Variants in RAB3GAP1 observed in about 807,000 individuals in gnomAD.
RAB3GAP1 encodes RAB3 GTPase activating protein catalytic subunit 1, also known as rab3 GTPase-activating protein catalytic subunit.
RAB3GAP1 carries 86 observed loss-of-function variants against 130.7 expected under a neutral mutation model. The ratio of observed to expected loss-of-function variants is 0.66; its 90% confidence interval spans 0.55 to 0.79. RAB3GAP1 has a LOEUF of 0.79. Among genes scored for constraint, RAB3GAP1 ranks in the 30% least tolerant of loss-of-function variants. The pLI, the probability that RAB3GAP1 is intolerant of heterozygous loss-of-function variation, is 0.00. For missense variants in RAB3GAP1, 1,029 were observed against 1,169.4 expected (o/e 0.88, Z 1.75); for synonymous variants, 367 against 401.7 (o/e 0.91, Z 1.03).
At chr2:135,117,589 CT>C (rs1691037454) in intron 7 of RAB3GAP1, among the ~76,000 whole-genome samples, 1 of 145,984 alleles carries the variant, frequency 6.9e-6, no homozygotes, top group Non-Finnish European at 1.5e-5. Context: ...TCTGCTTCTT[CT>C]TCTGCTGCTT....
intron 17 of RAB3GAP1, among the ~76,000 whole-genome samples, chr2:135,139,402 G>A (rs772643844): frequency 6.6e-6 from 1 of 151,956 alleles, no homozygotes; most frequent in African/African-American, 2.4e-5. Flanking sequence ...TTAGCCGAGC[G>A]TGGTGGTGTA....
chr2:135,117,594 G>GCTTCTTCTTCTTCTGCTGCTTCTT (rs1691038567), intron 7 of RAB3GAP1, among the ~76,000 whole-genome samples: 1 of 19,136 alleles, frequency 5.2e-5, no homozygotes, highest in Non-Finnish European at 1.2e-4. Flanking sequence ...TTCTTCTTCT[G>GCTTCTTCTTCTTCTGCTGCTTCTT]CTGCTTCTTC....
intron 3 of RAB3GAP1, among the ~76,000 whole-genome samples, chr2:135,060,256 A>ATTT (rs60562266): frequency 0.013 from 1,387 of 109,822 alleles, 64 homozygotes; most frequent in African/African-American, 0.048. Flanking sequence ...TAACTGCTTG[A>ATTT]TTTTTTTTTT....
Position 135,168,687 on chromosome 2 carries a change from A to C in RAB3GAP1, c.2852A>C (p.Tyr951Ser). 6.2e-7 allele frequency: 1 copy of C among 1,613,900 alleles called. No individual in the cohort carries two copies. The highest frequency in any genetic ancestry group is 8.5e-7 in the Non-Finnish European group (1 of 1,179,960). ...ACCACTGTGCCGCGCCCTGCTCCCT[A>C]CTCCAAAGCTCTGCCTCAGCGGATG... ...LRTTVPRPAP[Y>S]SKALPQRMYS... Residue 951 changes from tyrosine to serine, a missense_variant, in exon 24 of 24, where the codon TAC becomes TCC. Physicochemically the swap from Tyr to Ser is moderately radical, Grantham distance 144. Coordinates refer to ENST00000264158, the MANE Select transcript of RAB3GAP1 (RefSeq NM_012233.3).
intron 23 of RAB3GAP1, 106 bp from the exon 24 acceptor site, chr2:135,168,439 C>A: frequency 1.1e-6 from 1 of 926,200 alleles, no homozygotes; most frequent in Non-Finnish European, 1.8e-6. Context: ...TACTGAGTAA[C>A]GTGGGACATT....
Position 135,153,894 on chromosome 2 carries a change from C to G in RAB3GAP1, c.2289+18C>G, listed in dbSNP as rs1391571808. ...CAGAAAAGGTAATTGAGGTTTGAGT[C>G]TCTAATACTAGAATGCAAATTACTG... On this transcript the variant is annotated intron_variant, in intron 19 of 23. Coordinates refer to ENST00000264158, the MANE Select transcript of RAB3GAP1 (RefSeq NM_012233.3). The G allele has an allele frequency of 6.2e-7, 1 of 1,600,114 alleles. No homozygotes were observed. The highest frequency in any genetic ancestry group is 8.6e-7 in the Non-Finnish European group (1 of 1,167,838).
intron 5 of RAB3GAP1, among the ~76,000 whole-genome samples, chr2:135,110,260 A>G (rs748785980): frequency 7.2e-5 from 11 of 151,920 alleles, no homozygotes; most frequent in Non-Finnish European, 1.5e-4. Context: ...CAGCCTCCCA[A>G]GCTGCTGGGA....
intron 3 of RAB3GAP1, among the ~76,000 whole-genome samples, chr2:135,064,915 A>AT (rs545377016): frequency 0.072 from 9,975 of 138,198 alleles, 507 homozygotes; most frequent in African/African-American, 0.15. Context: ...TCTGAAGAGT[A>AT]TTTTTTTTTT....
chr2:135,113,212 G>C lies in RAB3GAP1; in HGVS notation c.424G>C (p.Glu142Gln). Residue 142 changes from glutamate (E) to glutamine (Q), a missense_variant, in exon 6 of 24, where the codon GAA (glutamate) becomes CAA (glutamine). By Grantham distance (29) the Glu-to-Gln change is conservative (BLOSUM62 2). Coordinates refer to ENST00000264158, the MANE Select transcript of RAB3GAP1 (RefSeq NM_012233.3). The part of the protein sequence containing the change: ...PAAHSDAVLS[E>Q]SKCNLLLSSV... ...TGCACACAGTGACGCTGTTCTCAGC[G>C]AATCTAAGTGCAACCTTCTTCTGAG... 2 of 1,614,124 alleles carry C rather than the reference G, an allele frequency of 1.2e-6. No homozygotes were observed. The highest frequency in any genetic ancestry group is 1.7e-6 in the Non-Finnish European group (2 of 1,179,994).
At chr2:135,121,200 T>C (rs183282041) in intron 8 of RAB3GAP1, among the ~76,000 whole-genome samples, 13 of 152,328 alleles carry the variant, frequency 8.5e-5, no homozygotes, top group Non-Finnish European at 8.8e-5. Flanking sequence ...TGCCATAAAT[T>C]ACTATGTAGC....
intron 3 of RAB3GAP1, among the ~76,000 whole-genome samples, chr2:135,070,355 A>G (rs892445239): frequency 3.3e-5 from 5 of 152,172 alleles, no homozygotes; most frequent in Admixed American, 1.3e-4. Context: ...CTGTTCAGGC[A>G]GTTAGAGTTC....
chr2:135,099,431 CTGTGTGTG>C (rs141856311), intron 5 of RAB3GAP1, among the ~76,000 whole-genome samples: 4 of 142,490 alleles, frequency 2.8e-5, no homozygotes, highest in African/African-American at 7.6e-5. Context: ...ATTTGTATTT[CTGTGTGTG>C]TGTGTGTGTG....
At chr2:135,158,300 G>A (rs62170254) in intron 19 of RAB3GAP1, among the ~76,000 whole-genome samples, 6,379 of 152,000 alleles carry the variant, frequency 0.042, 155 homozygotes, top group African/African-American at 0.055. Context: ...AAAAATGACT[G>A]ATTTCAAGAT....
At chr2:135,135,525 A>G (rs775852660) in intron 16 of RAB3GAP1, 39 bp from the exon 17 acceptor site, 2 of 1,531,752 alleles carry the variant, frequency 1.3e-6, no homozygotes, top group Admixed American at 2.0e-5. Flanking sequence ...ATTTTTCTGT[A>G]ACTAATTCAA....
At chr2:135,165,164 A>C (rs1692600402) in intron 23 of RAB3GAP1, 2 of 456,322 alleles carry the variant, frequency 4.4e-6, no homozygotes, top group Non-Finnish European at 8.8e-6. Flanking sequence ...CCTAGAAAAG[A>C]AGAGGAAAAC....
At chr2:135,167,828 T>C (rs1573621377) in intron 23 of RAB3GAP1, 1 of 836,386 alleles carries the variant, frequency 1.2e-6, no homozygotes, top group East Asian at 3.0e-5. Flanking sequence ...TTACCTACCT[T>C]GCTGATGTTT....
intron 3 of RAB3GAP1, among the ~76,000 whole-genome samples, chr2:135,066,109 A>C (rs1367809975): frequency 6.6e-6 from 1 of 152,048 alleles, no homozygotes; most frequent in African/African-American, 2.4e-5. Context: ...CTGAGTCCAG[A>C]AAGTTTGAGA....
At chr2:135,117,809 T>TTC (rs1553445371) in intron 7 of RAB3GAP1, among the ~76,000 whole-genome samples, 2 of 110,322 alleles carry the variant, frequency 1.8e-5, no homozygotes, top group African/African-American at 3.3e-5. Flanking sequence ...CTTCTTCTTC[T>TTC]TTCTTCTTCT....
chr2:135,168,794 T>G lies in RAB3GAP1; in HGVS notation c.*13T>G. On this transcript the variant is annotated 3_prime_UTR_variant, in exon 24 of 24. Coordinates refer to ENST00000264158, the MANE Select transcript of RAB3GAP1 (RefSeq NM_012233.3). ...TTCCTTCTTCTGATTCTTCTAGCATTACTCGTTGGTGGCTTCAGAGACAGT... is the reference window on the plus strand; with the variant it reads ...TTCCTTCTTCTGATTCTTCTAGCATGACTCGTTGGTGGCTTCAGAGACAGT... 2 of 1,604,790 alleles carry G rather than the reference T, an allele frequency of 1.2e-6. No homozygotes were observed. The highest frequency in any genetic ancestry group is 1.7e-6 in the Non-Finnish European group (2 of 1,171,486).
Sources: allele counts gnomAD v4.1 joint callset (sites outside exome capture counted in the v4.1 genomes callset), GRCh38; gene constraint gnomAD v4.1.1; transcripts MANE v1.5; gene names NCBI Gene and HGNC (gene_info 2026-07-23, HGNC 2026-07-21).